Variants in STPG2 observed in about 807,000 individuals in gnomAD.
STPG2 encodes the protein sperm-tail PG-rich repeat-containing protein 2.
Under a neutral mutation model 54.2 loss-of-function variants are expected in STPG2, and 56 were observed. That is an observed-to-expected ratio of 1.03 (90% CI 0.83 to 1.29). The LOEUF (loss-of-function observed/expected upper bound fraction) is 1.29. Among genes scored for constraint, STPG2 ranks in the 50% most tolerant of loss-of-function variants. STPG2 has a pLI of 0.00. For synonymous variants in STPG2, 200 were observed against 181.8 expected, an observed-to-expected ratio of 1.10 and a Z score of -0.81; for missense variants, 596 against 544.9, an observed-to-expected ratio of 1.09 and a Z score of -0.93.
chr4:97,603,259 G>C (rs954276982), intron 10 of STPG2, among the ~76,000 whole-genome samples: 1 of 151,476 alleles, frequency 6.6e-6, no homozygotes, highest in Non-Finnish European at 1.5e-5. Context: ...AAACCAAAAT[G>C]AGATACCACC....
rs187917467 is a variant in STPG2 at position 97,814,617 on chromosome 4, T to C, written c.1204+26156A>G. On this transcript the variant is annotated intron_variant, in intron 9 of 10. Transcript: ENST00000295268. ...AAAGTATTGATCCTGGGTGTGTCTG[T>C]GAGGGTGTTGCCAAAGGAGATTAAC... 5.1e-3 allele frequency among the ~76,000 whole-genome samples: 772 copies of C among 152,266 alleles called. 6 individuals carry two copies. Among genetic ancestry groups the C allele is most frequent in the Middle Eastern group, 0.02 (6 of 294 alleles).
At chr4:97,712,948 T>C in intron 9 of STPG2, 134 bp from the exon 10 acceptor site, 1 of 507,320 alleles carries the variant, frequency 2.0e-6, no homozygotes, top group Non-Finnish European at 3.4e-6. Flanking sequence ...TGTTTTTGAA[T>C]GCTTAAAATC....
intron 10 of STPG2, among the ~76,000 whole-genome samples, chr4:97,689,326 G>C (rs947836493): frequency 6.6e-6 from 1 of 151,970 alleles, no homozygotes; most frequent in African/African-American, 2.4e-5. Flanking sequence ...ATATAAAGCA[G>C]CATGTGTCAC....
At chr4:97,826,434 A>G (rs1009080801) in intron 9 of STPG2, among the ~76,000 whole-genome samples, 2 of 152,212 alleles carry the variant, frequency 1.3e-5, no homozygotes, top group African/African-American at 4.8e-5. Context: ...CATATTGGCT[A>G]AAGTTAAAGG....
At chr4:97,856,095 T>C (rs1238316184) in intron 8 of STPG2, among the ~76,000 whole-genome samples, 2 of 152,164 alleles carry the variant, frequency 1.3e-5, no homozygotes, top group African/African-American at 4.8e-5. Flanking sequence ...TGAAGTCAGG[T>C]AGCATGATGC....
chr4:97,931,047 T>A (rs1732527226), intron 8 of STPG2, among the ~76,000 whole-genome samples: 2 of 152,240 alleles, frequency 1.3e-5, no homozygotes, highest in Admixed American at 6.5e-5. Context: ...TCCTTAAATT[T>A]ATCTGAAGTT....
intron 9 of STPG2, among the ~76,000 whole-genome samples, chr4:97,839,490 G>T (rs140823030): frequency 1.9e-3 from 295 of 151,646 alleles, no homozygotes; most frequent in African/African-American, 7.0e-3. Context: ...AAGACCCTGA[G>T]ATTAATATTA....
chr4:97,896,587 C>T lies in STPG2; in HGVS notation c.1044+47310G>A, dbSNP rs998444814. 2.6e-5 allele frequency among the ~76,000 whole-genome samples: 4 copies of T among 151,556 alleles called. 1 individual carries two copies. Among genetic ancestry groups the T allele is most frequent in the African/African-American group, 9.7e-5 (4 of 41,348 alleles). On this transcript the variant is annotated intron_variant, in intron 8 of 10. Transcript: ENST00000295268. Reference sequence around the variant, plus strand: ...ATTCTTAAGTTATAATGGATGGTTGCCGAATTTAAATACACCCATCACTAT... The same window carrying T: ...ATTCTTAAGTTATAATGGATGGTTGTCGAATTTAAATACACCCATCACTAT...
At chr4:97,998,182 G>T (rs1686761981) in intron 5 of STPG2, among the ~76,000 whole-genome samples, 1 of 152,126 alleles carries the variant, frequency 6.6e-6, no homozygotes, top group Non-Finnish European at 1.5e-5. Flanking sequence ...ATTAGAAGAT[G>T]GAATCCATTT....
At chr4:98,080,289 C>T (rs1303534055) in intron 5 of STPG2, among the ~76,000 whole-genome samples, 4 of 151,790 alleles carry the variant, frequency 2.6e-5, no homozygotes, top group Non-Finnish European at 2.9e-5. Context: ...GACAGGGTCT[C>T]GCTACATTGC....
intron 10 of STPG2, among the ~76,000 whole-genome samples, chr4:97,672,204 A>ACT (rs1205924233): frequency 9.8e-6 from 1 of 102,196 alleles, no homozygotes; most frequent in Admixed American, 1.6e-4. Flanking sequence ...ATGGAGTTTC[A>ACT]CTCTTGTTGC....
At chr4:97,551,559 T>C (rs2148867863) in intron 4 of STPG2, among the ~76,000 whole-genome samples, 1 of 152,336 alleles carries the variant, frequency 6.6e-6, no homozygotes. Flanking sequence ...GCTTCATAAT[T>C]ACTTCTCATC....
At chr4:98,097,522 T>C (rs1277947242) in intron 5 of STPG2, among the ~76,000 whole-genome samples, 1 of 152,152 alleles carries the variant, frequency 6.6e-6, no homozygotes, top group African/African-American at 2.4e-5. Context: ...GTCAATATCA[T>C]ACTGAATGGG....
chr4:97,777,972 A>C (rs1433010160), intron 9 of STPG2, among the ~76,000 whole-genome samples: 1 of 152,178 alleles, frequency 6.6e-6, no homozygotes, highest in Non-Finnish European at 1.5e-5. Flanking sequence ...TCCAGTCTAC[A>C]GCTCCCAGCA....
At chr4:97,458,102 G>T (rs553158412) in intron 4 of STPG2, among the ~76,000 whole-genome samples, 2 of 152,030 alleles carry the variant, frequency 1.3e-5, no homozygotes, top group Admixed American at 6.6e-5. Context: ...ACAGATATTT[G>T]GTATTCAAAG....
chr4:97,474,412 G>A (rs1306298853), intron 4 of STPG2, among the ~76,000 whole-genome samples: 1 of 152,126 alleles, frequency 6.6e-6, no homozygotes, highest in Non-Finnish European at 1.5e-5. Flanking sequence ...GGATTCCTGT[G>A]GGATGGTCAT....
At chr4:97,857,345 T>C (rs1423456977) in intron 8 of STPG2, among the ~76,000 whole-genome samples, 2 of 152,186 alleles carry the variant, frequency 1.3e-5, no homozygotes, top group African/African-American at 4.8e-5. Context: ...GAACTCACTA[T>C]TGGTCTATTC....
chr4:98,053,578 T>C (rs1200068117), intron 5 of STPG2, among the ~76,000 whole-genome samples: 2 of 152,268 alleles, frequency 1.3e-5, no homozygotes, highest in Non-Finnish European at 2.9e-5. Context: ...ACACAGTTTC[T>C]CTGACTTTAG....
At chr4:97,455,648 C>G (rs1370949250) in intron 4 of STPG2, among the ~76,000 whole-genome samples, 1 of 152,158 alleles carries the variant, frequency 6.6e-6, no homozygotes, top group Non-Finnish European at 1.5e-5. Context: ...GTTCATTCTC[C>G]AAGCTCACAT....
Sources: allele counts gnomAD v4.1 joint callset (sites outside exome capture counted in the v4.1 genomes callset), GRCh38; gene constraint gnomAD v4.1.1; transcripts MANE v1.5; gene names NCBI Gene and HGNC (gene_info 2026-07-23, HGNC 2026-07-21).